The following FBXO6 variants were observed in gnomAD, a reference collection of about 807,000 sequenced individuals.
FBXO6 encodes F-box protein 6, also known as F-box only protein 6.
Under a neutral mutation model 25.0 loss-of-function variants are expected in FBXO6, and 13 were observed. That is an observed-to-expected ratio of 0.52 (90% CI 0.34 to 0.83). The LOEUF (loss-of-function observed/expected upper bound fraction) is 0.83. FBXO6 is among the 40% of genes least tolerant of loss of function. FBXO6 has a pLI of 0.02. For synonymous variants in FBXO6, 138 were observed against 155.3 expected (o/e 0.89, Z 0.83); for missense variants, 370 against 380.2 (o/e 0.97, Z 0.22).
chr1:11,668,980 T>TC, intron 2 of FBXO6, 36 bp downstream of exon 2: 3 of 1,604,706 alleles, frequency 1.9e-6, no homozygotes, highest in Non-Finnish European at 2.6e-6. Context: ...GCCACCAGGC[T>TC]CGTTCCTTCT....
chr1:11,671,860 G>A (rs1640625058), intron 3 of FBXO6, 68 bp from the exon 4 acceptor site: 12 of 1,403,294 alleles, frequency 8.6e-6, no homozygotes, highest in Non-Finnish European at 1.2e-5. Context: ...GGGCTGCCAA[G>A]GCCTGGGTGA....
intron 1 of FBXO6, chr1:11,664,837 G>C (rs900987336): frequency 2.0e-5 from 3 of 152,152 alleles, no homozygotes; most frequent in Non-Finnish European, 4.4e-5. Flanking sequence ...CGGTGTGAGA[G>C]GGCTTCCTAG....
intron 1 of FBXO6, chr1:11,664,505 G>C: frequency 7.2e-6 from 1 of 139,540 alleles, no homozygotes; most frequent in African/African-American, 2.8e-5. Context: ...GCCTGCGGGC[G>C]CTGGTCCGGG....
chr1:11,668,537 C>T (rs1025133012), intron 1 of FBXO6, 119 bp from the exon 2 acceptor site: 13 of 1,294,796 alleles, frequency 1.0e-5, no homozygotes, highest in Admixed American at 2.3e-5. Context: ...CCTGGGACTC[C>T]AGGCATGTGC....
At chr1:11,667,677 C>T (rs538308425) in intron 1 of FBXO6, among the ~76,000 whole-genome samples, 34 of 152,240 alleles carry the variant, frequency 2.2e-4, no homozygotes, top group African/African-American at 7.9e-4. Context: ...TGGGGGATTC[C>T]CATGGGGTTG....
chr1:11,665,554 CTTTTTTTT>C (rs70983579), intron 1 of FBXO6, among the ~76,000 whole-genome samples: 2 of 37,848 alleles, frequency 5.3e-5, no homozygotes, highest in Non-Finnish European at 8.1e-5. Flanking sequence ...CGCGCCCGGC[CTTTTTTTT>C]TTTTTTTTTT....
chr1:11,668,400 G>GT (rs1640503893), intron 1 of FBXO6, among the ~76,000 whole-genome samples: 1 of 120,058 alleles, frequency 8.3e-6, no homozygotes, highest in Non-Finnish European at 1.6e-5. Flanking sequence ...CTCTTTTGTG[G>GT]GTTTTTTTTT....
chr1:11,673,967 C>T lies in FBXO6; in HGVS notation c.*116C>T. ...TCCTGCCCCGGTTCAACCCTACCAG[C>T]TTGTGGTAACTTACTGTCACATAGC... On this transcript the variant is annotated 3_prime_UTR_variant, in exon 6 of 6. Coordinates refer to ENST00000376753, the MANE Select transcript of FBXO6 (RefSeq NM_018438.6). This position sits in a 1 kb window ranked among gnomAD's most constrained non-coding sequence, Gnocchi z 4.3. The T allele has an allele frequency of 1.2e-6, 1 of 836,418 alleles. No individual in the cohort carries two copies. The highest frequency in any genetic ancestry group is 2.0e-6 in the Non-Finnish European group (1 of 506,042). The allele number at this position is 836,418 out of a possible 1,614,324, so 51.8% of individuals were successfully genotyped here. A position where few individuals can be genotyped will look rare whatever the true frequency, so the allele number is the denominator to read the frequency against.
chr1:11,671,869 G>GA (rs1640625548), intron 3 of FBXO6, 59 bp from the exon 4 acceptor site: 1 of 1,439,938 alleles, frequency 6.9e-7, no homozygotes, highest in Non-Finnish European at 9.5e-7. Flanking sequence ...AGGCCTGGGT[G>GA]AGGGGGGGGG....
At position 11,666,405 on chromosome 1, in the gene FBXO6, G is replaced by A. The variant is rs181247261; in HGVS notation, c.-4+2150G>A. ...TTTTCTTTTTTTTTTTTTTTGAGACGGTGCCTTGTACTGTCACCCAGGCTG... is the reference window on the plus strand; with the variant it reads ...TTTTCTTTTTTTTTTTTTTTGAGACAGTGCCTTGTACTGTCACCCAGGCTG... On this transcript the variant is annotated intron_variant, in intron 1 of 5. Transcript: ENST00000376753. Among the ~76,000 whole-genome samples, 270 of 140,296 alleles carry A rather than the reference G, an allele frequency of 1.9e-3. 1 individual carries two copies. Among genetic ancestry groups the A allele is most frequent in the East Asian group, 0.014 (67 of 4,854 alleles). 92.0% of individuals were successfully genotyped at this position (140,296 alleles called of 152,430 possible).
chr1:11,665,558 T>TTTTTTC (rs1640405933), intron 1 of FBXO6, among the ~76,000 whole-genome samples: 1 of 79,130 alleles, frequency 1.3e-5, no homozygotes, highest in African/African-American at 7.5e-5. Flanking sequence ...CCCGGCCTTT[T>TTTTTTC]TTTTTTTTTT....
chr1:11,672,765 G>A (rs896130898), intron 4 of FBXO6, among the ~76,000 whole-genome samples: 1 of 152,248 alleles, frequency 6.6e-6, no homozygotes. Flanking sequence ...GGCTTGGCCG[G>A]TGGCAGAAGC....
intron 1 of FBXO6, among the ~76,000 whole-genome samples, chr1:11,667,243 C>T (rs1640466749): frequency 1.3e-5 from 2 of 152,112 alleles, no homozygotes; most frequent in Non-Finnish European, 2.9e-5. Context: ...GCAGATGAGG[C>T]CCACCTGAGT....
chr1:11,669,057 C>T, intron 2 of FBXO6, 113 bp downstream of exon 2: 3 of 1,333,044 alleles, frequency 2.3e-6, no homozygotes, highest in African/African-American at 1.5e-5. Context: ...TAAACACCCA[C>T]CTCACTTCCT....
At chr1:11,671,848 A>AG in intron 3 of FBXO6, 80 bp from the exon 4 acceptor site, 1 of 1,293,300 alleles carries the variant, frequency 7.7e-7, no homozygotes, top group South Asian at 1.2e-5. Context: ...CTGGGCTCAC[A>AG]GGGGCTGCCA....
In FBXO6 at chr1:11,673,422, C is replaced by T. The variant is rs1394499728; in HGVS notation, c.645+10C>T. ...TGCCACATGGACAGAGGTGAGGCCT[C>T]ACCCACTTGCTCTCTCTACCCACTC... On this transcript the variant is annotated intron_variant, in intron 5 of 5. Coordinates refer to ENST00000376753, the MANE Select transcript of FBXO6 (RefSeq NM_018438.6). This position sits in a 1 kb window ranked among gnomAD's most constrained non-coding sequence, Gnocchi z 4.3. 1.9e-6 allele frequency: 3 copies of T among 1,613,204 alleles called. No individual in the cohort carries two copies. The highest frequency in any genetic ancestry group is 1.1e-5 in the South Asian group (1 of 90,948).
chr1:11,673,483 C>A lies in FBXO6; in HGVS notation c.645+71C>A. ...CAGGATGGCAGGAAGCAAAGGGCAG[C>A]CTCAGGGCCCAGGGTGCCCCTGCTG... is the stretch of plus-strand genomic sequence containing the variant. On this transcript the variant is annotated intron_variant, in intron 5 of 5. Coordinates refer to ENST00000376753, the MANE Select transcript of FBXO6 (RefSeq NM_018438.6). The surrounding 1 kb of genome is among the most constrained non-coding windows in gnomAD (Gnocchi z 4.3). The A allele has an allele frequency of 6.3e-7, 1 of 1,591,752 alleles. No individual in the cohort carries two copies. Among genetic ancestry groups the A allele is most frequent in the Non-Finnish European group, 8.6e-7 (1 of 1,166,540 alleles).
chr1:11,669,172 T>A (rs1368597168), intron 2 of FBXO6, among the ~76,000 whole-genome samples: 2 of 152,216 alleles, frequency 1.3e-5, no homozygotes, highest in East Asian at 3.8e-4. Context: ...TTTCATGCCC[T>A]GTAACACTTT....
Position 11,673,616 on chromosome 1 carries a change from TCTC to T in FBXO6, c.650_652del (p.Ser217del). On this transcript the variant is annotated inframe_deletion and splice_region_variant, in exon 6 of 6. Coordinates refer to ENST00000376753, the MANE Select transcript of FBXO6 (RefSeq NM_018438.6). This position sits in a 1 kb window ranked among gnomAD's most constrained non-coding sequence, Gnocchi z 4.3. Reference sequence around the variant, plus strand: ...CTTCCTCTCCCTTCCTCCCAACAGGTCTCCTACACCTTCTCAGACTACCCCCGG... The same window carrying T: ...CTTCCTCTCCCTTCCTCCCAACAGGTCTACACCTTCTCAGACTACCCCCGG... The T allele has an allele frequency of 1.2e-6, 2 of 1,611,992 alleles. No homozygotes were observed. Among genetic ancestry groups the T allele is most frequent in the Non-Finnish European group, 1.7e-6 (2 of 1,178,556 alleles).
Sources: gnomAD v4.1 joint callset for allele counts (sites outside exome capture counted in the v4.1 genomes callset) on GRCh38, gnomAD v4.1.1 for gene constraint, Gnocchi (gnomAD v3.1) non-coding constraint, MANE v1.5 for transcripts, NCBI Gene and HGNC (gene_info 2026-07-23, HGNC 2026-07-21) for gene names.